TMC1: variants seen among roughly 807,000 people sequenced by gnomAD.
The protein encoded by TMC1 is transmembrane channel like 1.
A neutral mutation model predicts 105.8 loss-of-function variants in TMC1; 84 were observed. The ratio of observed to expected loss-of-function variants is 0.79; its 90% confidence interval spans 0.67 to 0.95. The LOEUF is 0.95. Among genes scored for constraint, TMC1 ranks in the 40% least tolerant of loss-of-function variants. TMC1 has a pLI of 0.00. For synonymous variants in TMC1, 315 were observed against 311.5 expected, an observed-to-expected ratio of 1.01 and a Z score of -0.12; for missense variants, 817 against 914.1, an observed-to-expected ratio of 0.89 and a Z score of 1.37.
intron 7 of TMC1, among the ~76,000 whole-genome samples, chr9:72,695,124 G>A (rs1175444435): frequency 5.3e-5 from 8 of 152,128 alleles, no homozygotes; most frequent in Non-Finnish European, 1.0e-4. Flanking sequence ...AGGTAAGAAT[G>A]GTTTTTACAG....
intron 1 of TMC1, among the ~76,000 whole-genome samples, chr9:72,535,181 G>A (rs1361800230): frequency 6.6e-6 from 1 of 152,118 alleles, no homozygotes; most frequent in African/African-American, 2.4e-5. Flanking sequence ...AAGTTACCCA[G>A]TTCACCTCTG....
intron 2 of TMC1, among the ~76,000 whole-genome samples, chr9:72,598,762 A>G (rs560922957): frequency 8.5e-4 from 130 of 152,300 alleles, no homozygotes; most frequent in African/African-American, 3.0e-3. Context: ...TGCCAAAATC[A>G]TATTGTGAAA....
chr9:72,587,454 A>G (rs4615648), intron 2 of TMC1, among the ~76,000 whole-genome samples: 68,499 of 152,188 alleles, frequency 0.45, 17,483 homozygotes, highest in African/African-American at 0.7. Context: ...CACTGTGCCC[A>G]GCCAACAGAT....
At chr9:72,619,468 T>C (rs1825202505) in intron 3 of TMC1, among the ~76,000 whole-genome samples, 1 of 151,998 alleles carries the variant, frequency 6.6e-6, no homozygotes, top group East Asian at 1.9e-4. Context: ...TTATTTTAAA[T>C]GATCTAGGTA....
chr9:72,758,786 C>T (rs1276856455), intron 12 of TMC1, among the ~76,000 whole-genome samples: 1 of 152,134 alleles, frequency 6.6e-6, no homozygotes, highest in African/African-American at 2.4e-5. Context: ...TTTCTACTTA[C>T]ATTGCTTTTG....
chr9:72,574,178 C>T (rs1238152476), intron 1 of TMC1, among the ~76,000 whole-genome samples: 2 of 152,212 alleles, frequency 1.3e-5, no homozygotes, highest in East Asian at 1.9e-4. Context: ...ATGCTCCATG[C>T]TCCATATGGA....
At chr9:72,524,666 T>C (rs966697598) in intron 1 of TMC1, among the ~76,000 whole-genome samples, 6 of 152,240 alleles carry the variant, frequency 3.9e-5, no homozygotes, top group African/African-American at 1.4e-4. Flanking sequence ...CAAAATGTTG[T>C]ATCCCATATA....
chr9:72,694,525 A>G lies in TMC1; in HGVS notation c.65-18A>G, dbSNP rs1441251059. ...AGCACTTTCTGACATTACTCATTGA[A>G]TCAAGTGCTATGTTTAGGTGAAGAG... On this transcript the variant is annotated intron_variant, in intron 6 of 23. Coordinates refer to ENST00000297784, the MANE Select transcript of TMC1 (RefSeq NM_138691.3). 2 of 1,610,202 alleles carry G rather than the reference A, an allele frequency of 1.2e-6. No homozygotes were observed. The highest frequency in any genetic ancestry group is 1.1e-5 in the South Asian group (1 of 90,754).
rs149697597 is a variant in TMC1, at chr9:72,569,809, T to C, written c.-427-8093T>C. On this transcript the variant is annotated intron_variant, in intron 1 of 23. Transcript: ENST00000297784. ...ATTGACATTTTGTAGAGATGATGAA[T>C]TGAGGAAGGGATTTATGTGGTCATT... 1.4e-3 allele frequency among the ~76,000 whole-genome samples: 210 copies of C among 152,228 alleles called. 1 individual carries two copies. The highest frequency in any genetic ancestry group is 4.8e-3 in the African/African-American group (201 of 41,548).
At chr9:72,760,395 T>A (rs960408327) in intron 12 of TMC1, among the ~76,000 whole-genome samples, 3 of 152,036 alleles carry the variant, frequency 2.0e-5, no homozygotes, top group African/African-American at 7.2e-5. Flanking sequence ...TTAAACTCCT[T>A]AAAAATTCAT....
intron 3 of TMC1, among the ~76,000 whole-genome samples, chr9:72,622,373 AG>A (rs1401663755): frequency 6.6e-6 from 1 of 152,196 alleles, no homozygotes; most frequent in African/African-American, 2.4e-5. Context: ...TTGTTCCTGC[AG>A]GCTGCCTGTG....
intron 12 of TMC1, among the ~76,000 whole-genome samples, chr9:72,765,753 C>A (rs1186021432): frequency 6.6e-6 from 1 of 151,972 alleles, no homozygotes; most frequent in Non-Finnish European, 1.5e-5. Flanking sequence ...GAGGAAGGAG[C>A]AGGTTTGGGG....
At chr9:72,789,343 G>T (rs754064273) in intron 15 of TMC1, 26 bp downstream of exon 15, 9 of 1,604,612 alleles carry the variant, frequency 5.6e-6, no homozygotes, top group Non-Finnish European at 7.7e-6. Flanking sequence ...CTTTTTATGT[G>T]CTTAGAACCT....
intron 17 of TMC1, among the ~76,000 whole-genome samples, chr9:72,792,606 CAA>C (rs937179645): frequency 3.3e-5 from 5 of 152,088 alleles, no homozygotes; most frequent in African/African-American, 1.2e-4. Flanking sequence ...GAAAATGGTG[CAA>C]AGAGATGTTT....
At chr9:72,530,995 T>C (rs1237039193) in intron 1 of TMC1, among the ~76,000 whole-genome samples, 1 of 151,158 alleles carries the variant, frequency 6.6e-6, no homozygotes. Context: ...TAATTATTAT[T>C]ATTATTATTA....
At chr9:72,735,241 G>A (rs1226293703) in intron 8 of TMC1, among the ~76,000 whole-genome samples, 1 of 152,164 alleles carries the variant, frequency 6.6e-6, no homozygotes, top group Non-Finnish European at 1.5e-5. Context: ...GGTGGCTTTT[G>A]TTGAATGCAA....
chr9:72,692,281 C>T (rs1448924021), intron 6 of TMC1, among the ~76,000 whole-genome samples: 1 of 152,178 alleles, frequency 6.6e-6, no homozygotes, highest in Non-Finnish European at 1.5e-5. Flanking sequence ...GTTTTCTCCC[C>T]TCCCCAGGGA....
At chr9:72,677,860 A>G (rs1240119277) in intron 5 of TMC1, among the ~76,000 whole-genome samples, 1 of 152,122 alleles carries the variant, frequency 6.6e-6, no homozygotes, top group African/African-American at 2.4e-5. Flanking sequence ...AACACTCTGA[A>G]CAAGATCCTG....
intron 1 of TMC1, among the ~76,000 whole-genome samples, chr9:72,557,708 C>T (rs1352412236): frequency 6.6e-6 from 1 of 152,168 alleles, no homozygotes; most frequent in Non-Finnish European, 1.5e-5. Flanking sequence ...CTGAGTCAGC[C>T]TCTTTGACCT....
Sources: allele counts gnomAD v4.1 joint callset (sites outside exome capture counted in the v4.1 genomes callset), GRCh38; gene constraint gnomAD v4.1.1; transcripts MANE v1.5; gene names NCBI Gene and HGNC (gene_info 2026-07-23, HGNC 2026-07-21).